Variants in TBC1D22A observed in about 807,000 individuals in gnomAD.
TBC1D22A encodes TBC1 domain family member 22A.
TBC1D22A carries 38 observed loss-of-function variants against 60.2 expected under a neutral mutation model. The observed-to-expected ratio is 0.63, with a 90% CI of 0.49 to 0.83. TBC1D22A has a LOEUF of 0.83. TBC1D22A is among the 40% of genes least tolerant of loss of function. TBC1D22A has a pLI of 0.00. For synonymous variants in TBC1D22A, 302 were observed against 281.7 expected (o/e 1.07, Z -0.72); for missense variants, 628 against 701.0 (o/e 0.90, Z 1.18).
At chr22:46,892,809 CTTTA>C (rs2068471032) in intron 6 of TBC1D22A, among the ~76,000 whole-genome samples, 1 of 152,194 alleles carries the variant, frequency 6.6e-6, no homozygotes, top group Admixed American at 6.5e-5. Flanking sequence ...TTGCATACAT[CTTTA>C]TTTAGTTACT....
intron 8 of TBC1D22A, among the ~76,000 whole-genome samples, chr22:46,948,090 G>A (rs774753029): frequency 1.3e-5 from 2 of 152,204 alleles, no homozygotes; most frequent in Admixed American, 6.5e-5. Context: ...CGGCAAGGAC[G>A]GAGGGCTGGG....
chr22:47,053,374 C>T (rs563888166), intron 11 of TBC1D22A, among the ~76,000 whole-genome samples: 1 of 152,228 alleles, frequency 6.6e-6, no homozygotes, highest in Non-Finnish European at 1.5e-5. Flanking sequence ...CTATCCCAGT[C>T]CCCCTTGGTA....
chr22:46,982,524 G>T (rs1321716211), intron 9 of TBC1D22A, among the ~76,000 whole-genome samples: 2 of 152,174 alleles, frequency 1.3e-5, no homozygotes, highest in Admixed American at 1.3e-4. Flanking sequence ...GCCCGGCCAA[G>T]AGACAGTCTT....
At chr22:46,915,221 T>C (rs1186382539) in intron 8 of TBC1D22A, 2 of 357,258 alleles carry the variant, frequency 5.6e-6, no homozygotes, top group African/African-American at 4.3e-5. Flanking sequence ...TTGGAGGGTT[T>C]CTGGGGAAGC....
rs144073310 is a variant in TBC1D22A at position 47,123,369 on chromosome 22, G to A, written c.1425+11766G>A. ...CGAGCACCTGGCGCGTGGTCGGAAT[G>A]GAAGGGCTGTTTCCCGGCTGGCAGG... On this transcript the variant is annotated intron_variant, in intron 12 of 12. Transcript: ENST00000337137. Among the ~76,000 whole-genome samples, 34 of 152,362 alleles carry A rather than the reference G, an allele frequency of 2.2e-4. No homozygotes were observed. The East Asian group carries it at 6.0e-3, about 27-fold the overall frequency.
At chr22:47,168,663 C>G (rs1033187298) in intron 12 of TBC1D22A, among the ~76,000 whole-genome samples, 57 of 152,206 alleles carry the variant, frequency 3.7e-4, no homozygotes, top group African/African-American at 1.3e-3. Context: ...TCGAAGGAAC[C>G]CAGGGTCTGC....
intron 4 of TBC1D22A, among the ~76,000 whole-genome samples, chr22:46,802,043 T>C (rs1162440003): frequency 6.6e-6 from 1 of 152,238 alleles, no homozygotes; most frequent in East Asian, 1.9e-4. Flanking sequence ...CTCAGTGTGA[T>C]GGCTGGCCGT....
At chr22:46,769,715 A>G (rs1448256151) in intron 1 of TBC1D22A, among the ~76,000 whole-genome samples, 2 of 152,066 alleles carry the variant, frequency 1.3e-5, no homozygotes, top group African/African-American at 4.8e-5. Context: ...TGGTCCTAAG[A>G]GCCATGAGAG....
chr22:47,145,003 C>A (rs886561091), intron 12 of TBC1D22A, among the ~76,000 whole-genome samples: 2 of 152,244 alleles, frequency 1.3e-5, no homozygotes, highest in African/African-American at 4.8e-5. Context: ...TGACTGTAAT[C>A]GGAACTACCT....
chr22:47,041,789 G>A (rs1429924988), intron 11 of TBC1D22A, among the ~76,000 whole-genome samples: 1 of 152,222 alleles, frequency 6.6e-6, no homozygotes, highest in Non-Finnish European at 1.5e-5. Context: ...ATATTTTCAG[G>A]CTTGTGGGCC....
At chr22:46,839,464 A>G (rs1377908236) in intron 4 of TBC1D22A, among the ~76,000 whole-genome samples, 1 of 152,182 alleles carries the variant, frequency 6.6e-6, no homozygotes, top group Admixed American at 6.5e-5. Flanking sequence ...AAATAAATGG[A>G]AATATATCCC....
chr22:46,764,385 A>T (rs1052990930), intron 1 of TBC1D22A: 11 of 152,346 alleles, frequency 7.2e-5, no homozygotes, highest in African/African-American at 2.6e-4. Context: ...GAGCCACATG[A>T]CAGTGTAACT....
At chr22:47,029,894 GCTGCTCGTC>G (rs530432418) in intron 10 of TBC1D22A, among the ~76,000 whole-genome samples, 7 of 152,362 alleles carry the variant, frequency 4.6e-5, no homozygotes, top group Middle Eastern at 3.4e-3. Context: ...GGCCGGGGCT[GCTGCTCGTC>G]CTGGGTCTCA....
At chr22:46,764,725 A>G (rs934525118) in intron 1 of TBC1D22A, among the ~76,000 whole-genome samples, 10 of 152,216 alleles carry the variant, frequency 6.6e-5, no homozygotes, top group African/African-American at 2.4e-4. Context: ...AGAGACACAC[A>G]CAGGGAAATG....
chr22:47,108,264 ATC>A (rs2065711432), intron 11 of TBC1D22A, among the ~76,000 whole-genome samples: 1 of 152,246 alleles, frequency 6.6e-6, no homozygotes, highest in Non-Finnish European at 1.5e-5. Context: ...TGTTCATGGC[ATC>A]TCTCTGCATA....
intron 10 of TBC1D22A, among the ~76,000 whole-genome samples, chr22:47,024,014 G>A (rs1042148387): frequency 6.6e-6 from 1 of 152,238 alleles, no homozygotes; most frequent in African/African-American, 2.4e-5. Flanking sequence ...ACAGTGTACT[G>A]TGGGTTTTCT....
At chr22:47,061,015 C>T (rs182409575) in intron 11 of TBC1D22A, among the ~76,000 whole-genome samples, 6 of 152,354 alleles carry the variant, frequency 3.9e-5, no homozygotes, top group East Asian at 3.9e-4. Context: ...CGGAACCGCT[C>T]GCATGCGACC....
chr22:47,038,793 C>T (rs943546953), intron 11 of TBC1D22A, among the ~76,000 whole-genome samples: 2 of 152,180 alleles, frequency 1.3e-5, no homozygotes, highest in African/African-American at 4.8e-5. Context: ...TTCGTGTCCG[C>T]GACTTGGGTT....
chr22:47,112,060 C>G (rs904903680), intron 12 of TBC1D22A, among the ~76,000 whole-genome samples: 2 of 152,248 alleles, frequency 1.3e-5, no homozygotes, highest in Non-Finnish European at 2.9e-5. Context: ...TTCAGCCTCA[C>G]TAAGCTAGTC....
Sources: allele counts gnomAD v4.1 joint callset (sites outside exome capture counted in the v4.1 genomes callset), GRCh38; gene constraint gnomAD v4.1.1; transcripts MANE v1.5; gene names NCBI Gene and HGNC (gene_info 2026-07-23, HGNC 2026-07-21).